KCNIP1: variants seen among roughly 807,000 people sequenced by gnomAD.
KCNIP1 encodes potassium voltage-gated channel interacting protein 1.
Under a neutral mutation model 33.0 loss-of-function variants are expected in KCNIP1, and 18 were observed. The observed-to-expected ratio is 0.55, with a 90% CI of 0.38 to 0.81. The LOEUF is 0.81. Ranked by LOEUF, KCNIP1 falls within the 30% of genes least tolerant of loss-of-function variation. KCNIP1 has a pLI of 0.00. For missense variants in KCNIP1, 238 were observed against 271.6 expected (o/e 0.88, Z 0.87); for synonymous variants, 93 against 98.3 (o/e 0.95, Z 0.32).
chr5:170,471,150 T>A (rs943604787), intron 1 of KCNIP1, among the ~76,000 whole-genome samples: 1 of 152,230 alleles, frequency 6.6e-6, no homozygotes, highest in Admixed American at 6.5e-5. Flanking sequence ...TTTATTTCCA[T>A]GCTTGGGGAG....
chr5:170,527,985 C>T (rs577016317), intron 1 of KCNIP1, among the ~76,000 whole-genome samples: 1 of 152,104 alleles, frequency 6.6e-6, no homozygotes, highest in South Asian at 2.1e-4. Flanking sequence ...TTTCGATTAT[C>T]CTTTACTGCA....
chr5:170,659,178 T>G (rs1761383409), intron 1 of KCNIP1, among the ~76,000 whole-genome samples: 1 of 151,904 alleles, frequency 6.6e-6, no homozygotes, highest in African/African-American at 2.4e-5. Context: ...TAATCCAAAG[T>G]AGGTGGGCAT....
intron 1 of KCNIP1, among the ~76,000 whole-genome samples, chr5:170,467,012 T>A (rs1348623413): frequency 6.6e-6 from 1 of 151,874 alleles, no homozygotes; most frequent in Non-Finnish European, 1.5e-5. Flanking sequence ...AGAATGTGAG[T>A]GTAATAAAAC....
intron 1 of KCNIP1, among the ~76,000 whole-genome samples, chr5:170,380,346 G>A (rs1040997697): frequency 6.6e-6 from 1 of 152,214 alleles, no homozygotes; most frequent in African/African-American, 2.4e-5. Context: ...CCAGGAATGT[G>A]TGATTCCTTC....
intron 1 of KCNIP1, chr5:170,379,044 T>C (rs1226115619): frequency 2.0e-6 from 3 of 1,536,432 alleles, no homozygotes; most frequent in Non-Finnish European, 2.6e-6. Flanking sequence ...TGATATGGAG[T>C]AAAGAAAAAT....
chr5:170,371,638 G>T (rs1159641541), intron 1 of KCNIP1, among the ~76,000 whole-genome samples: 3 of 152,176 alleles, frequency 2.0e-5, no homozygotes, highest in Admixed American at 6.5e-5. Flanking sequence ...TAACCTCAAA[G>T]GATGTTGTTA....
At chr5:170,438,419 C>A (rs1412494004) in intron 1 of KCNIP1, among the ~76,000 whole-genome samples, 1 of 152,164 alleles carries the variant, frequency 6.6e-6, no homozygotes, top group African/African-American at 2.4e-5. Context: ...AGGAGCTGGC[C>A]CAGAGGCAGC....
At chr5:170,732,009 C>T (rs905647269) in intron 5 of KCNIP1, among the ~76,000 whole-genome samples, 1 of 151,580 alleles carries the variant, frequency 6.6e-6, no homozygotes, top group African/African-American at 2.4e-5. Context: ...AAGTTGTTAA[C>T]ATTAGAGGAG....
chr5:170,435,075 G>A (rs777702684), intron 1 of KCNIP1, among the ~76,000 whole-genome samples: 10 of 152,228 alleles, frequency 6.6e-5, no homozygotes, highest in Non-Finnish European at 1.2e-4. Context: ...AGGGGCCAGC[G>A]TCAGGTCCTC....
At chr5:170,441,686 C>T (rs1755992917) in intron 1 of KCNIP1, among the ~76,000 whole-genome samples, 1 of 152,056 alleles carries the variant, frequency 6.6e-6, no homozygotes, top group Admixed American at 6.5e-5. Context: ...AACAAGTGGG[C>T]CGGGCGCCGT....
At chr5:170,685,249 A>T (rs946975441) in intron 1 of KCNIP1, among the ~76,000 whole-genome samples, 2 of 151,412 alleles carry the variant, frequency 1.3e-5, no homozygotes, top group African/African-American at 4.9e-5. Context: ...ATTACTTCTG[A>T]TCTCAAAGGG....
intron 1 of KCNIP1, among the ~76,000 whole-genome samples, chr5:170,588,528 C>A (rs1396163134): frequency 6.6e-6 from 1 of 152,126 alleles, no homozygotes; most frequent in Non-Finnish European, 1.5e-5. Flanking sequence ...TGTGGGGATG[C>A]CACGTGATTG....
chr5:170,437,898 C>G (rs1289714883), intron 1 of KCNIP1, among the ~76,000 whole-genome samples: 1 of 152,238 alleles, frequency 6.6e-6, no homozygotes, highest in Non-Finnish European at 1.5e-5. Flanking sequence ...CCGAACAAAC[C>G]TTGGGCCACC....
chr5:170,476,915 T>C (rs1316821383), intron 1 of KCNIP1, among the ~76,000 whole-genome samples: 2 of 152,212 alleles, frequency 1.3e-5, no homozygotes, highest in Non-Finnish European at 2.9e-5. Flanking sequence ...ATAAATGGCC[T>C]TCCCTACAAG....
intron 1 of KCNIP1, among the ~76,000 whole-genome samples, chr5:170,410,968 T>C (rs1755170572): frequency 1.3e-5 from 2 of 152,198 alleles, no homozygotes; most frequent in Non-Finnish European, 2.9e-5. Flanking sequence ...GAGAGATGAT[T>C]GTATTTGTCA....
intron 1 of KCNIP1, among the ~76,000 whole-genome samples, chr5:170,659,158 CT>C (rs57279700): frequency 0.1 from 15,418 of 149,806 alleles, 839 homozygotes; most frequent in African/African-American, 0.12. Context: ...TCTCTGATCA[CT>C]TTTTTTTTTA....
chr5:170,491,269 TGAA>T (rs1407673242), intron 1 of KCNIP1, among the ~76,000 whole-genome samples: 1 of 151,014 alleles, frequency 6.6e-6, no homozygotes, highest in African/African-American at 2.5e-5. Context: ...AATGAATGAA[TGAA>T]GAATGAATGA....
intron 1 of KCNIP1, among the ~76,000 whole-genome samples, chr5:170,509,777 A>C (rs1191797430): frequency 6.6e-6 from 1 of 152,206 alleles, no homozygotes; most frequent in Non-Finnish European, 1.5e-5. Context: ...GAAAAATATA[A>C]ATTCAGTCAA....
At chr5:170,392,790 C>T (rs1258930065) in intron 1 of KCNIP1, among the ~76,000 whole-genome samples, 1 of 152,178 alleles carries the variant, frequency 6.6e-6, no homozygotes, top group African/African-American at 2.4e-5. Context: ...AGCCACTGTA[C>T]TCCAGCCTGG....
Sources: allele counts gnomAD v4.1 joint callset (sites outside exome capture counted in the v4.1 genomes callset), GRCh38; gene constraint gnomAD v4.1.1; transcripts MANE v1.5; gene names NCBI Gene and HGNC (gene_info 2026-07-23, HGNC 2026-07-21).